The following SLC24A3 variants were observed in gnomAD, a reference collection of about 807,000 sequenced individuals.
SLC24A3 encodes the protein solute carrier family 24 member 3, also known as sodium/potassium/calcium exchanger 3.
SLC24A3 carries 28 observed loss-of-function variants against 75.8 expected under a neutral mutation model. The ratio of observed to expected loss-of-function variants is 0.37; its 90% confidence interval spans 0.27 to 0.51. SLC24A3 has a LOEUF of 0.51. SLC24A3 is among the 20% of genes least tolerant of loss of function. The pLI, the probability that SLC24A3 is intolerant of heterozygous loss-of-function variation, is 0.94. For synonymous variants in SLC24A3, 372 were observed against 334.1 expected, an observed-to-expected ratio of 1.11 and a Z score of -1.24; for missense variants, 663 against 847.8, an observed-to-expected ratio of 0.78 and a Z score of 2.71.
chr20:19,248,515 G>C (rs116367317), intron 1 of SLC24A3, among the ~76,000 whole-genome samples: 1 of 152,054 alleles, frequency 6.6e-6, no homozygotes, highest in Non-Finnish European at 1.5e-5. Flanking sequence ...AAATATTGAC[G>C]TGGAGAAAAG....
At chr20:19,535,300 C>T (rs530127489) in intron 3 of SLC24A3, among the ~76,000 whole-genome samples, 2 of 152,204 alleles carry the variant, frequency 1.3e-5, no homozygotes, top group African/African-American at 4.8e-5. Flanking sequence ...CGTGGTTCTT[C>T]TTGTCTTGGC....
chr20:19,619,765 A>T (rs2031780637), intron 6 of SLC24A3, among the ~76,000 whole-genome samples: 1 of 152,168 alleles, frequency 6.6e-6, no homozygotes, highest in African/African-American at 2.4e-5. Flanking sequence ...GTTATTAAAA[A>T]CTGCCAGAAG....
chr20:19,397,905 G>T (rs1986485135), intron 2 of SLC24A3, among the ~76,000 whole-genome samples: 1 of 152,084 alleles, frequency 6.6e-6, no homozygotes, highest in African/African-American at 2.4e-5. Flanking sequence ...GAATGAGAAA[G>T]CTGACTATTC....
intron 1 of SLC24A3, chr20:19,242,412 C>T (rs6035263): frequency 0.091 from 13,880 of 152,090 alleles, 1,081 homozygotes; most frequent in African/African-American, 0.22. Context: ...GAGGTTTGGG[C>T]GATAGAGGTT....
Position 19,420,578 on chromosome 20 carries a change from A to G in SLC24A3, c.272-94910A>G, listed in dbSNP as rs1986901332. 2.0e-5 allele frequency among the ~76,000 whole-genome samples: 2 copies of G among 101,436 alleles called. 1 individual carries two copies. The highest frequency in any genetic ancestry group is 6.3e-4 in the South Asian group (2 of 3,194). 66.5% of individuals were successfully genotyped at this position (101,436 alleles called of 152,430 possible). On this transcript the variant is annotated intron_variant, in intron 2 of 16. Coordinates refer to ENST00000328041, the MANE Select transcript of SLC24A3 (RefSeq NM_020689.4). ...GGGTAGGAAGAATCAATATCGTGAAAATGGCCATACTGCCATTTTCATAAT... is the reference window on the plus strand; with the variant it reads ...GGGTAGGAAGAATCAATATCGTGAAGATGGCCATACTGCCATTTTCATAAT...
intron 2 of SLC24A3, among the ~76,000 whole-genome samples, chr20:19,418,505 C>T (rs6112362): frequency 0.12 from 18,420 of 151,634 alleles, 1,670 homozygotes; most frequent in East Asian, 0.39. Context: ...CAATCTAAAA[C>T]CCAGATAAAT....
At chr20:19,663,453 ACTTCCT>A (rs1568689638) in intron 7 of SLC24A3, among the ~76,000 whole-genome samples, 2 of 11,436 alleles carry the variant, frequency 1.7e-4, no homozygotes, top group African/African-American at 1.5e-3. Flanking sequence ...ATCCTCCTCC[ACTTCCT>A]CCTCCTCCTC....
At chr20:19,634,857 T>A (rs1252660699) in intron 6 of SLC24A3, among the ~76,000 whole-genome samples, 1 of 152,082 alleles carries the variant, frequency 6.6e-6, no homozygotes, top group African/African-American at 2.4e-5. Context: ...TATGAATAAA[T>A]TTCACTGCTT....
intron 2 of SLC24A3, among the ~76,000 whole-genome samples, chr20:19,492,511 A>G (rs16980673): frequency 0.11 from 17,407 of 152,176 alleles, 1,078 homozygotes; most frequent in Middle Eastern, 0.13. Context: ...CATTTTTCCC[A>G]TTCAAGAAGC....
At chr20:19,525,763 G>A (rs551738983) in intron 3 of SLC24A3, among the ~76,000 whole-genome samples, 4 of 152,104 alleles carry the variant, frequency 2.6e-5, no homozygotes, top group South Asian at 4.1e-4. Flanking sequence ...CAGCTGGGCC[G>A]CTCAAAGAGG....
At chr20:19,442,796 A>G (rs1987317910) in intron 2 of SLC24A3, among the ~76,000 whole-genome samples, 1 of 152,094 alleles carries the variant, frequency 6.6e-6, no homozygotes, top group Non-Finnish European at 1.5e-5. Context: ...ATTTTCTCTT[A>G]TGTTATCTTC....
intron 1 of SLC24A3, among the ~76,000 whole-genome samples, chr20:19,215,503 AAG>A (rs1193238465): frequency 6.6e-6 from 1 of 152,122 alleles, no homozygotes; most frequent in East Asian, 1.9e-4. Context: ...GTCACCTTGA[AAG>A]CCATGCAGTG....
chr20:19,651,386 T>TA (rs1451869449), intron 6 of SLC24A3, among the ~76,000 whole-genome samples: 1 of 136,750 alleles, frequency 7.3e-6, no homozygotes, highest in Non-Finnish European at 1.5e-5. Flanking sequence ...TATATATATA[T>TA]ATATATATAC....
chr20:19,307,239 A>G (rs546130248), intron 2 of SLC24A3, among the ~76,000 whole-genome samples: 4 of 152,338 alleles, frequency 2.6e-5, no homozygotes, highest in Admixed American at 6.5e-5. Context: ...ATTTGCAATC[A>G]TGCCTAATAT....
intron 2 of SLC24A3, among the ~76,000 whole-genome samples, chr20:19,406,337 A>G (rs772687825): frequency 7.9e-5 from 12 of 152,126 alleles, no homozygotes; most frequent in Non-Finnish European, 1.3e-4. Context: ...TATGAAGGCA[A>G]TTGTGAAATT....
chr20:19,407,609 G>T (rs1383721272), intron 2 of SLC24A3, among the ~76,000 whole-genome samples: 1 of 152,212 alleles, frequency 6.6e-6, no homozygotes, highest in Non-Finnish European at 1.5e-5. Context: ...CTTTACTCTT[G>T]ATTAATCTCA....
intron 3 of SLC24A3, among the ~76,000 whole-genome samples, chr20:19,545,224 C>G (rs2030567935): frequency 3.3e-5 from 5 of 152,130 alleles, no homozygotes; most frequent in Admixed American, 1.3e-4. Context: ...TAAGTACATG[C>G]AATTATCCAG....
At chr20:19,473,605 G>T (rs1293592511) in intron 2 of SLC24A3, among the ~76,000 whole-genome samples, 1 of 152,214 alleles carries the variant, frequency 6.6e-6, no homozygotes, top group Non-Finnish European at 1.5e-5. Flanking sequence ...GGGAATTGGG[G>T]AGCCAGGATC....
chr20:19,701,408 A>G (rs1321341), intron 15 of SLC24A3, among the ~76,000 whole-genome samples: 127,955 of 152,016 alleles, frequency 0.84, 54,175 homozygotes, highest in East Asian at 0.96. Flanking sequence ...TAAATGCTTC[A>G]TGAGCAAAGG....
Sources: allele counts gnomAD v4.1 joint callset (sites outside exome capture counted in the v4.1 genomes callset), GRCh38; gene constraint gnomAD v4.1.1; transcripts MANE v1.5; gene names NCBI Gene and HGNC (gene_info 2026-07-23, HGNC 2026-07-21).